Variants in RBBP5 observed in about 807,000 individuals in gnomAD.
RBBP5 encodes the protein retinoblastoma-binding protein 5.
In RBBP5, 5 loss-of-function variants were observed where a neutral mutation model predicts 72.2. The ratio of observed to expected loss-of-function variants is 0.07; its 90% CI spans 0.04 to 0.15. The LOEUF (loss-of-function observed/expected upper bound fraction) is 0.15. Among genes scored for constraint, RBBP5 ranks in the 10% least tolerant of loss-of-function variants. RBBP5 has a pLI of 1.00. For synonymous variants in RBBP5, 209 were observed against 237.2 expected (o/e 0.88, Z 1.09); for missense variants, 322 against 652.2 (o/e 0.49, Z 5.51).
chr1:205,088,923 C>T, intron 13 of RBBP5, 108 bp from the exon 14 acceptor site: 1 of 947,216 alleles, frequency 1.1e-6, no homozygotes, highest in Non-Finnish European at 1.6e-6. Context: ...CACACGTGGA[C>T]CAAGAAATTC....
At chr1:205,118,588 C>T (rs185119655) in intron 1 of RBBP5, among the ~76,000 whole-genome samples, 2 of 152,214 alleles carry the variant, frequency 1.3e-5, no homozygotes, top group African/African-American at 2.4e-5. Flanking sequence ...TGCCACTGCA[C>T]TCCAGCCTGG....
intron 6 of RBBP5, among the ~76,000 whole-genome samples, chr1:205,100,848 C>G (rs1033177709): frequency 6.6e-6 from 1 of 152,124 alleles, no homozygotes; most frequent in Non-Finnish European, 1.5e-5. Context: ...TTTCCACGGC[C>G]CAGGCTGGTG....
At chr1:205,111,390 G>T (rs1656310286) in intron 3 of RBBP5, among the ~76,000 whole-genome samples, 1 of 152,158 alleles carries the variant, frequency 6.6e-6, no homozygotes, top group Non-Finnish European at 1.5e-5. Context: ...AGATCTTACA[G>T]GGAAGATACT....
intron 3 of RBBP5, among the ~76,000 whole-genome samples, chr1:205,113,859 AT>A (rs1192498287): frequency 6.6e-6 from 1 of 151,660 alleles, no homozygotes; most frequent in African/African-American, 2.4e-5. Flanking sequence ...GAATTTTTGT[AT>A]TTTTAGTAGA....
chr1:205,097,440 C>T (rs377471056), intron 10 of RBBP5, 45 bp from the exon 11 acceptor site: 9 of 1,533,338 alleles, frequency 5.9e-6, no homozygotes, highest in South Asian at 1.2e-5. Flanking sequence ...AAGTGAAAAA[C>T]TGCTTTTTAT....
At chr1:205,113,848 C>T (rs12239712) in intron 3 of RBBP5, among the ~76,000 whole-genome samples, 48,451 of 151,810 alleles carry the variant, frequency 0.32, 9,165 homozygotes, top group Non-Finnish European at 0.44. Context: ...ACATGCCTGG[C>T]GAATTTTTGT....
chr1:205,103,711 G>A lies in RBBP5; in HGVS notation c.522+146C>T, dbSNP rs1043260559. 15 of 933,782 alleles carry A rather than the reference G, an allele frequency of 1.6e-5. No individual in the cohort carries two copies. The Admixed American group carries it at 3.9e-4, about 24-fold the overall frequency. The allele number at this position is 933,782 out of a possible 1,614,324, so 57.8% of individuals were successfully genotyped here. A position where few individuals can be genotyped will look rare whatever the true frequency, so the allele number is the denominator to read the frequency against. ...TCCAAAGAACAAAAATTATTATTAA[G>A]AGATGGAAGAAAATTAGACTACATT... is the stretch of plus-strand genomic sequence containing the variant. On this transcript the variant is annotated intron_variant, in intron 5 of 13. Transcript: ENST00000264515.
intron 5 of RBBP5, among the ~76,000 whole-genome samples, chr1:205,102,380 C>T (rs930847506): frequency 2.0e-5 from 3 of 152,078 alleles, no homozygotes; most frequent in African/African-American, 4.8e-5. Flanking sequence ...AGCTTGAGGA[C>T]ATGAAACTAA....
Position 205,100,072 on chromosome 1 carries a change from A to G in RBBP5, c.753-8T>C. 3 of 1,613,794 alleles carry G rather than the reference A, an allele frequency of 1.9e-6. No homozygotes were observed. Among genetic ancestry groups the G allele is most frequent in the Non-Finnish European group, 2.5e-6 (3 of 1,179,700 alleles). ...CATTTCTTCCATGGGGTCCTAAAGG[A>G]CAAGGAAAGTACCAAGGAGAGCTGG... On this transcript the variant is annotated splice_polypyrimidine_tract_variant and splice_region_variant and intron_variant, in intron 7 of 13. Transcript: ENST00000264515.
rs139595055 is a variant in RBBP5, at chr1:205,117,681, A to G, written c.20-1798T>C. Among the ~76,000 whole-genome samples the G allele has an allele frequency of 3.9e-3, 596 of 152,186 alleles. 5 individuals are homozygous for G. The highest frequency in any genetic ancestry group is 0.027 in the Middle Eastern group (8 of 294). On this transcript the variant is annotated intron_variant, in intron 1 of 13. Coordinates refer to ENST00000264515, the MANE Select transcript of RBBP5 (RefSeq NM_005057.4). ...GTCTCAAAAAAAGAATAATAAAAAT[A>G]AAAATAAAAATAAACAAATGTATGT...
At chr1:205,113,071 C>T (rs1304825016) in intron 3 of RBBP5, among the ~76,000 whole-genome samples, 2 of 152,034 alleles carry the variant, frequency 1.3e-5, no homozygotes, top group African/African-American at 4.8e-5. Flanking sequence ...GTGATCGTGC[C>T]TGTGACTAGC....
chr1:205,103,139 C>T (rs1301951136), intron 5 of RBBP5, among the ~76,000 whole-genome samples: 4 of 148,654 alleles, frequency 2.7e-5, no homozygotes, highest in Non-Finnish European at 4.4e-5. Context: ...GCAGGAGATT[C>T]GCTTGAACCC....
intron 1 of RBBP5, among the ~76,000 whole-genome samples, chr1:205,117,497 C>T (rs1300909324): frequency 6.6e-6 from 1 of 150,536 alleles, no homozygotes; most frequent in Non-Finnish European, 1.5e-5. Flanking sequence ...CCTGTCTCTA[C>T]TAAAAATACA....
chr1:205,121,292 G>A (rs551819566), intron 1 of RBBP5, among the ~76,000 whole-genome samples: 19 of 152,268 alleles, frequency 1.2e-4, no homozygotes, highest in African/African-American at 4.3e-4. Flanking sequence ...TTTACACACC[G>A]TCCCTAGCAA....
At position 205,096,724 on chromosome 1, in the gene RBBP5, G is replaced by C; in HGVS notation, c.1354C>G (p.Pro452Ala). ...TGAAGTTCTATATTGGTTGTTTTGG[G>C]TTTCTTCTTAGGTGGCTGGGACCCA... is the stretch of plus-strand genomic sequence containing the variant. ...ADGSQPPKKK[P>A]KTTNIELQGV... The change falls in exon 12 of 14, where the codon CCC becomes GCC. Residue 452 changes from proline to alanine, a missense_variant. Physicochemically the swap from Pro to Ala is conservative, Grantham distance 27. Around this residue, in one of 6 missense-constraint regions of RBBP5, gnomAD observed 109 missense variants for 146.3 expected, o/e 0.75. Transcript: ENST00000264515. 1 of 1,614,098 alleles carries C rather than the reference G, an allele frequency of 6.2e-7. No homozygotes were observed. The highest frequency in any genetic ancestry group is 8.5e-7 in the Non-Finnish European group (1 of 1,180,010).
At chr1:205,118,446 C>T (rs1320031009) in intron 1 of RBBP5, among the ~76,000 whole-genome samples, 3 of 151,338 alleles carry the variant, frequency 2.0e-5, no homozygotes, top group Admixed American at 6.6e-5. Context: ...CCTGTCTCTA[C>T]TAAAAATAAA....
At chr1:205,107,014 A>G (rs527367531) in intron 3 of RBBP5, among the ~76,000 whole-genome samples, 2 of 123,382 alleles carry the variant, frequency 1.6e-5, no homozygotes, top group Admixed American at 7.4e-5. Flanking sequence ...TACCATAGAC[A>G]TATATATATA....
At chr1:205,097,535 C>G (rs1655663591) in intron 10 of RBBP5, 140 bp from the exon 11 acceptor site, 6 of 822,022 alleles carry the variant, frequency 7.3e-6, no homozygotes, top group Admixed American at 4.4e-5. Flanking sequence ...AATCATTTAA[C>G]AAATATGTGC....
rs1256163445 is a variant in RBBP5 at position 205,096,747 on chromosome 1, C to T, written c.1331G>A (p.Gly444Glu). 6.2e-7 allele frequency: 1 copy of T among 1,614,018 alleles called. No homozygotes were observed. Reference sequence around the variant, plus strand: ...GGGTTTCTTCTTAGGTGGCTGGGACCCATCTGCTGAGGACTGCCTCTTCTT... The same window carrying T: ...GGGTTTCTTCTTAGGTGGCTGGGACTCATCTGCTGAGGACTGCCTCTTCTT... ...SEKKRQSSAD[G>E]SQPPKKKPKT... Residue 444 changes from glycine to glutamate, a missense_variant, in exon 12 of 14, where the codon GGG (glycine) becomes GAG (glutamate). Gly to Glu is a moderately conservative substitution (Grantham distance 98, BLOSUM62 -2). This residue lies in a region of RBBP5 where 109 missense variants were observed against 146.3 expected (regional missense o/e 0.75). Transcript: ENST00000264515.
Sources: allele counts gnomAD v4.1 joint callset (sites outside exome capture counted in the v4.1 genomes callset), GRCh38; gene constraint gnomAD v4.1.1; regional missense constraint gnomAD v4.1.1; transcripts MANE v1.5; gene names NCBI Gene and HGNC (gene_info 2026-07-23, HGNC 2026-07-21).